Variants in TRIM71 observed in about 807,000 individuals in gnomAD.
TRIM71 encodes the protein tripartite motif containing 71.
A neutral mutation model predicts 61.2 loss-of-function variants in TRIM71; 9 were observed. The observed-to-expected ratio is 0.15, with a 90% CI of 0.09 to 0.26. TRIM71 has a LOEUF of 0.26. Among genes scored for constraint, TRIM71 ranks in the 10% least tolerant of loss-of-function variants. TRIM71 has a pLI of 1.00. For synonymous variants in TRIM71, 645 were observed against 553.2 expected, an observed-to-expected ratio of 1.17 and a Z score of -2.33; for missense variants, 998 against 1,238.7, an observed-to-expected ratio of 0.81 and a Z score of 2.92.
chr3:32,841,565 G>A (rs961810835), intron 1 of TRIM71, among the ~76,000 whole-genome samples: 3 of 151,608 alleles, frequency 2.0e-5, no homozygotes, highest in Admixed American at 1.3e-4. Context: ...GCAAGATTAC[G>A]CCACTGTACT....
At chr3:32,877,989 CAT>C (rs1166750074) in intron 2 of TRIM71, among the ~76,000 whole-genome samples, 1 of 152,190 alleles carries the variant, frequency 6.6e-6, no homozygotes, top group Non-Finnish European at 1.5e-5. Context: ...GAGTACCACA[CAT>C]GTTCTTAATG....
chr3:32,878,467 T>A (rs903263838), intron 2 of TRIM71, among the ~76,000 whole-genome samples: 7 of 151,982 alleles, frequency 4.6e-5, no homozygotes, highest in African/African-American at 1.4e-4. Context: ...TACAAAAAAT[T>A]AGCCGGTCAT....
At chr3:32,874,676 C>T (rs896633907) in intron 2 of TRIM71, among the ~76,000 whole-genome samples, 7 of 152,002 alleles carry the variant, frequency 4.6e-5, no homozygotes, top group African/African-American at 1.7e-4. Context: ...GCGCCCACCA[C>T]CACGCCCGGC....
intron 1 of TRIM71, among the ~76,000 whole-genome samples, chr3:32,823,944 G>A (rs1308126727): frequency 2.0e-5 from 3 of 151,874 alleles, no homozygotes; most frequent in Admixed American, 6.6e-5. Flanking sequence ...GCGTGGTGGC[G>A]CGTGCCTGTA....
chr3:32,828,821 T>C (rs532616682), intron 1 of TRIM71, among the ~76,000 whole-genome samples: 66 of 152,064 alleles, frequency 4.3e-4, no homozygotes, highest in African/African-American at 1.5e-3. Flanking sequence ...TTATATGACA[T>C]GTTTGAAAAC....
At chr3:32,868,891 T>C (rs1696768140) in intron 1 of TRIM71, among the ~76,000 whole-genome samples, 2 of 152,128 alleles carry the variant, frequency 1.3e-5, no homozygotes, top group Admixed American at 1.3e-4. Context: ...CTTTCCTATA[T>C]TTATCCAGGC....
intron 1 of TRIM71, among the ~76,000 whole-genome samples, chr3:32,824,700 T>C (rs907027890): frequency 3.9e-5 from 6 of 152,186 alleles, no homozygotes; most frequent in South Asian, 2.1e-4. Flanking sequence ...CCCAGGCTGG[T>C]CTCAAACTCC....
intron 2 of TRIM71, among the ~76,000 whole-genome samples, chr3:32,878,088 C>G (rs558933405): frequency 6.6e-6 from 1 of 152,344 alleles, no homozygotes; most frequent in East Asian, 1.9e-4. Flanking sequence ...TAGTAGCTAT[C>G]GCCTTACGAA....
At position 32,891,919 on chromosome 3, in the gene TRIM71, G is replaced by T; in HGVS notation, c.*108G>T. 6.9e-7 allele frequency: 1 copy of T among 1,450,348 alleles called. No individual in the cohort carries two copies. Among genetic ancestry groups the T allele is most frequent in the East Asian group, 2.4e-5 (1 of 40,882 alleles). The allele number at this position is 1,450,348 out of a possible 1,614,324, so 89.8% of individuals were successfully genotyped here. A position where few individuals can be genotyped will look rare whatever the true frequency, so the allele number is the denominator to read the frequency against. On this transcript the variant is annotated 3_prime_UTR_variant, in exon 4 of 4. Coordinates refer to ENST00000383763, the MANE Select transcript of TRIM71 (RefSeq NM_001039111.3). This position sits in a 1 kb window ranked among gnomAD's most constrained non-coding sequence, Gnocchi z 8.2. ...GAATTTCAAAGAAGAAACAGTCTCAGGGAAATTTCTTTTTTCTTTTTTTTT... is the reference window on the plus strand; with the variant it reads ...GAATTTCAAAGAAGAAACAGTCTCATGGAAATTTCTTTTTTCTTTTTTTTT...
Position 32,818,387 on chromosome 3 carries a change from G to C in TRIM71, c.307G>C (p.Ala103Pro), listed in dbSNP as rs1236920643. Reference sequence around the variant, plus strand: ...CGACCAGAAAGTAGTGCTAGCCGAGGCGGCGGGTATGGACGCGCTGCCTTC... The same window carrying C: ...CGACCAGAAAGTAGTGCTAGCCGAGCCGGCGGGTATGGACGCGCTGCCTTC... ...VCDQKVVLAE[A>P]AGMDALPSSA... The change falls in exon 1 of 4, where the codon GCG becomes CCG. Residue 103 changes from alanine (A) to proline (P), a missense_variant. By Grantham distance (27) the Ala-to-Pro change is conservative. This residue lies in a region of TRIM71 where 527 missense variants were observed against 427.8 expected (regional missense o/e 1.23). Coordinates refer to ENST00000383763, the MANE Select transcript of TRIM71 (RefSeq NM_001039111.3). 3 of 1,479,336 alleles carry C rather than the reference G, an allele frequency of 2.0e-6. No homozygotes were observed. In the Admixed American group the frequency reaches 6.8e-5, roughly 33 times the overall value. The allele number at this position is 1,479,336 out of a possible 1,614,324, so 91.6% of individuals were successfully genotyped here.
intron 1 of TRIM71, among the ~76,000 whole-genome samples, chr3:32,856,744 C>T (rs1200310036): frequency 6.6e-6 from 1 of 152,228 alleles, no homozygotes; most frequent in African/African-American, 2.4e-5. Flanking sequence ...GAACCCGGGG[C>T]AGGAGTGCCT....
rs553281890 is a variant in TRIM71, at chr3:32,831,599, C to T, written c.852+12667C>T. ...GGATGCCCAGGCTGGAGTACAATGG[C>T]GCGATCTCGGCTCTCTGCAACCTCC... On this transcript the variant is annotated intron_variant, in intron 1 of 3. Coordinates refer to ENST00000383763, the MANE Select transcript of TRIM71 (RefSeq NM_001039111.3). Among the ~76,000 whole-genome samples, 11 of 138,954 alleles carry T rather than the reference C, an allele frequency of 7.9e-5. No individual in the cohort carries two copies. The South Asian group carries it at 1.4e-3, about 17-fold the overall frequency. The allele number at this position is 138,954 out of a possible 152,430, so 91.2% of individuals were successfully genotyped here. A position where few individuals can be genotyped will look rare whatever the true frequency, so the allele number is the denominator to read the frequency against.
At chr3:32,834,409 C>CTGCAGCTTTAT (rs1175133010) in intron 1 of TRIM71, among the ~76,000 whole-genome samples, 3 of 152,104 alleles carry the variant, frequency 2.0e-5, no homozygotes, top group Non-Finnish European at 2.9e-5. Flanking sequence ...TCTGTCTTAT[C>CTGCAGCTTTAT]TGCAGCTTTA....
At position 32,896,426 on chromosome 3, in the gene TRIM71, G is replaced by C. The variant is rs1697078511; in HGVS notation, c.*4615G>C. Reference sequence around the variant, plus strand: ...TTTGTTTTTATTTTTTTCTACCAAAGGTAACATGTTGACGGGTTTTTTTTT... The same window carrying C: ...TTTGTTTTTATTTTTTTCTACCAAACGTAACATGTTGACGGGTTTTTTTTT... On this transcript the variant is annotated 3_prime_UTR_variant, in exon 4 of 4. Transcript: ENST00000383763. 6.6e-6 allele frequency: 1 copy of C among 151,984 alleles called. No homozygotes were observed. Among genetic ancestry groups the C allele is most frequent in the African/African-American group, 2.4e-5 (1 of 41,384 alleles). 9.4% of individuals were successfully genotyped at this position (151,984 alleles called of 1,614,324 possible). A position where few individuals can be genotyped will look rare whatever the true frequency, so the allele number is the denominator to read the frequency against.
At chr3:32,855,204 T>G (rs1696582175) in intron 1 of TRIM71, among the ~76,000 whole-genome samples, 1 of 152,218 alleles carries the variant, frequency 6.6e-6, no homozygotes, top group Non-Finnish European at 1.5e-5. Flanking sequence ...AAGAGGGAAC[T>G]ACTGTACTTA....
At chr3:32,877,922 T>C (rs1186806036) in intron 2 of TRIM71, among the ~76,000 whole-genome samples, 2 of 152,168 alleles carry the variant, frequency 1.3e-5, no homozygotes, top group African/African-American at 4.8e-5. Context: ...CCTCTACCTA[T>C]GAATCACGAA....
In TRIM71 at chr3:32,868,703, A is replaced by ATTTT. The variant is rs1575354605; in HGVS notation, c.853-5115_853-5114insTTTT. Among the ~76,000 whole-genome samples the ATTTT allele has an allele frequency of 4.0e-5, 6 of 149,378 alleles. No individual in the cohort carries two copies. In the East Asian group the frequency reaches 1.1e-3, roughly 27 times the overall value. On this transcript the variant is annotated intron_variant, in intron 1 of 3. Transcript: ENST00000383763. ...ACATTAGGGTTTTTTTTTTTTTTAA[A>ATTTT]AAACTGTTTGCTTGTATTACTTTCT... is the stretch of plus-strand genomic sequence containing the variant.
At position 32,894,817 on chromosome 3, in the gene TRIM71, C is replaced by G. The variant is rs904610517; in HGVS notation, c.*3006C>G. On this transcript the variant is annotated 3_prime_UTR_variant, in exon 4 of 4. Coordinates refer to ENST00000383763, the MANE Select transcript of TRIM71 (RefSeq NM_001039111.3). Reference sequence around the variant, plus strand: ...CTGTGTTTAAATGCATAATCTCCTGCCCGGGTAATGCCAGGTAGCCAGGAG... The same window carrying G: ...CTGTGTTTAAATGCATAATCTCCTGGCCGGGTAATGCCAGGTAGCCAGGAG... The G allele has an allele frequency of 1.3e-5, 2 of 152,158 alleles. No individual in the cohort carries two copies. Among genetic ancestry groups the G allele is most frequent in the Non-Finnish European group, 2.9e-5 (2 of 68,024 alleles). The allele number at this position is 152,158 out of a possible 1,614,324, so 9.4% of individuals were successfully genotyped here.
chr3:32,823,699 G>A (rs898851828), intron 1 of TRIM71, among the ~76,000 whole-genome samples: 5 of 150,576 alleles, frequency 3.3e-5, no homozygotes, highest in African/African-American at 1.2e-4. Flanking sequence ...GTTGCAGTGA[G>A]CCGAGGGTGC....
Sources: allele counts gnomAD v4.1 joint callset (sites outside exome capture counted in the v4.1 genomes callset), GRCh38; gene constraint gnomAD v4.1.1; regional missense constraint gnomAD v4.1.1; non-coding constraint Gnocchi (gnomAD v3.1); transcripts MANE v1.5; gene names NCBI Gene and HGNC (gene_info 2026-07-23, HGNC 2026-07-21).